Variants in WDR64 observed in about 807,000 individuals in gnomAD.
WDR64 encodes WD repeat domain 64.
A neutral mutation model predicts 139.3 loss-of-function variants in WDR64; 112 were observed. The observed-to-expected ratio is 0.80, with a 90% CI of 0.69 to 0.94. The LOEUF (loss-of-function observed/expected upper bound fraction) is 0.94. Among genes scored for constraint, WDR64 ranks in the 40% least tolerant of loss-of-function variants. The pLI is 0.00. For synonymous variants in WDR64, 444 were observed against 437.7 expected, an observed-to-expected ratio of 1.01 and a Z score of -0.18; for missense variants, 1,206 against 1,293.1, an observed-to-expected ratio of 0.93 and a Z score of 1.03.
chr1:241,768,365 TG>T lies in WDR64; in HGVS notation c.2082-1037del, dbSNP rs1658272687. Among the ~76,000 whole-genome samples the T allele has an allele frequency of 2.2e-4, 34 of 152,342 alleles. 1 individual carries two copies. The South Asian group carries it at 7.0e-3, about 32-fold the overall frequency. On this transcript the variant is annotated intron_variant, in intron 16 of 27. Transcript: ENST00000437684. ...GGTTTAAAAGTTCTGAAACTGAAAATGGTTTCCATATTTGCAGTAGAGTCCA... is the reference window on the plus strand; with the variant it reads ...GGTTTAAAAGTTCTGAAACTGAAAATGTTTCCATATTTGCAGTAGAGTCCA...
intron 10 of WDR64, among the ~76,000 whole-genome samples, chr1:241,724,749 T>C (rs989396652): frequency 1.5e-4 from 23 of 152,350 alleles, no homozygotes; most frequent in African/African-American, 5.3e-4. Flanking sequence ...AAAGTAAATA[T>C]GACTAAATAA....
In WDR64 at chr1:241,788,030, GA is replaced by G; in HGVS notation, c.2891del (p.Lys964AsnfsTer5). Reference sequence around the variant, plus strand: ...TGAATATCCTCTGATATTTGACCGGGAAAAGTAAGACCATTAGCTCTTCTTT... The same window carrying G: ...TGAATATCCTCTGATATTTGACCGGGAAAGTAAGACCATTAGCTCTTCTTT... ...KYEYPLIFDREKWRKMSSVSL... is the reference protein window; with the variant it reads ...KYEYPLIFDRXKWRKMSSVSL... On this transcript the variant is annotated frameshift_variant, in exon 24 of 28. Coordinates refer to ENST00000437684, the MANE Select transcript of WDR64 (RefSeq NM_001367482.1). LOFTEE classifies it high-confidence loss of function. 6.3e-7 allele frequency: 1 copy of G among 1,584,296 alleles called. No individual in the cohort carries two copies. The highest frequency in any genetic ancestry group is 1.2e-5 in the South Asian group (1 of 84,884).
rs1667814322 is a variant in WDR64, at chr1:241,703,533, G to T, written c.975-8269G>T. ...TTTAAAATTGCTATCATTTCAGGGG[G>T]ATCAGGGAAAAAGTCAGAATGAACT... On this transcript the variant is annotated intron_variant, in intron 8 of 27. Transcript: ENST00000437684. This position sits in a 1 kb window ranked among gnomAD's most constrained non-coding sequence, Gnocchi z 5.9. Among the ~76,000 whole-genome samples the T allele has an allele frequency of 6.6e-6, 1 of 151,886 alleles. No individual in the cohort carries two copies. The highest frequency in any genetic ancestry group is 2.1e-4 in the South Asian group (1 of 4,812).
intron 8 of WDR64, among the ~76,000 whole-genome samples, chr1:241,710,255 C>T (rs1472195169): frequency 6.6e-6 from 1 of 152,012 alleles, no homozygotes; most frequent in East Asian, 1.9e-4. Context: ...GTTACCCCAT[C>T]TGATCAATGG....
intron 21 of WDR64, among the ~76,000 whole-genome samples, chr1:241,777,032 C>T (rs921104259): frequency 6.6e-6 from 1 of 152,158 alleles, no homozygotes; most frequent in Non-Finnish European, 1.5e-5. Flanking sequence ...TCTTTGAGGG[C>T]TGCTATCTAT....
chr1:241,795,308 G>GT, intron 26 of WDR64, 21 bp downstream of exon 26: 9 of 1,602,380 alleles, frequency 5.6e-6, no homozygotes, highest in Non-Finnish European at 7.7e-6. Flanking sequence ...GTTTCTAGGA[G>GT]TAGAGGGGTC....
In WDR64 at chr1:241,780,032, C is replaced by G. The variant is rs747906646; in HGVS notation, c.2565C>G (p.Ser855Arg). 1 of 1,587,874 alleles carries G rather than the reference C, an allele frequency of 6.3e-7. No homozygotes were observed. Among genetic ancestry groups the G allele is most frequent in the African/African-American group, 1.4e-5 (1 of 72,788 alleles). The change falls in exon 22 of 28, where the codon AGC (serine) becomes AGG (arginine). Residue 855 changes from serine to arginine, a missense_variant. Transcript: ENST00000437684. ...VEGHVILCNISSFLDPPHDEK... is the reference protein window; with the variant it reads ...VEGHVILCNIRSFLDPPHDEK... ...GACATGTTATCCTTTGCAATATTAG[C>G]TCTTTCCTGGATCCACCTCATGATG...
At chr1:241,768,981 A>G (rs1001536175) in intron 16 of WDR64, among the ~76,000 whole-genome samples, 3 of 152,166 alleles carry the variant, frequency 2.0e-5, no homozygotes, top group African/African-American at 7.2e-5. Context: ...AACTGTATGA[A>G]ACCAGCCCGG....
Position 241,660,665 on chromosome 1 carries a change from A to T in WDR64, c.276+5A>T. On this transcript the variant is annotated splice_donor_5th_base_variant and intron_variant, in intron 2 of 27. Coordinates refer to ENST00000437684, the MANE Select transcript of WDR64 (RefSeq NM_001367482.1). Reference sequence around the variant, plus strand: ...GCATCTGCAGACTGGTGTGAGGTAGACTCATTTCATGTTCATAATATGAAA... The same window carrying T: ...GCATCTGCAGACTGGTGTGAGGTAGTCTCATTTCATGTTCATAATATGAAA... 4.5e-6 allele frequency: 7 copies of T among 1,548,246 alleles called. No individual in the cohort carries two copies. Among genetic ancestry groups the T allele is most frequent in the Non-Finnish European group, 6.1e-6 (7 of 1,145,860 alleles).
intron 15 of WDR64, 127 bp from the exon 16 acceptor site, chr1:241,766,091 A>G: frequency 1.2e-6 from 1 of 849,158 alleles, no homozygotes; most frequent in Non-Finnish European, 1.7e-6. Flanking sequence ...TCATGCTCTG[A>G]TATTAAAAAT....
chr1:241,749,493 C>T (rs919274691), intron 13 of WDR64, 54 bp from the exon 14 acceptor site: 4 of 1,571,116 alleles, frequency 2.5e-6, no homozygotes, highest in Non-Finnish European at 3.5e-6. Context: ...AGCGAAAAGC[C>T]AAGCTTTCTC....
chr1:241,695,378 T>C (rs987196417), intron 8 of WDR64, among the ~76,000 whole-genome samples: 19 of 152,176 alleles, frequency 1.2e-4, no homozygotes, highest in Non-Finnish European at 7.3e-5. Context: ...GAAGCAGCCA[T>C]GCTACCATAT....
chr1:241,702,990 C>T (rs1366598388), intron 8 of WDR64, among the ~76,000 whole-genome samples: 2 of 152,082 alleles, frequency 1.3e-5, no homozygotes, highest in Non-Finnish European at 2.9e-5. Context: ...CTCCCTTGCC[C>T]CTTGGGAATG....
intron 2 of WDR64, among the ~76,000 whole-genome samples, chr1:241,667,171 T>G (rs1666053416): frequency 6.6e-6 from 1 of 152,258 alleles, no homozygotes; most frequent in Non-Finnish European, 1.5e-5. Context: ...CCATCTCTGA[T>G]AAACATTGGA....
At position 241,702,772 on chromosome 1, in the gene WDR64, T is replaced by C. The variant is rs1667769114; in HGVS notation, c.975-9030T>C. On this transcript the variant is annotated intron_variant, in intron 8 of 27. Transcript: ENST00000437684. Reference sequence around the variant, plus strand: ...TATCTTATGACCCATAAAATTGATATGAAATTTAAATTTCACTGGTCATGA... The same window carrying C: ...TATCTTATGACCCATAAAATTGATACGAAATTTAAATTTCACTGGTCATGA... Among the ~76,000 whole-genome samples, 2 of 152,240 alleles carry C rather than the reference T, an allele frequency of 1.3e-5. 1 individual carries two copies. The highest frequency in any genetic ancestry group is 4.1e-4 in the South Asian group (2 of 4,834).
chr1:241,769,788 C>G (rs1658351126), intron 17 of WDR64, among the ~76,000 whole-genome samples: 1 of 152,084 alleles, frequency 6.6e-6, no homozygotes, highest in South Asian at 2.1e-4. Flanking sequence ...CCCTTTATCA[C>G]ATAGCAGAGA....
chr1:241,783,021 T>C (rs12744638), intron 22 of WDR64, among the ~76,000 whole-genome samples: 3 of 152,204 alleles, frequency 2.0e-5, no homozygotes, highest in African/African-American at 7.2e-5. Flanking sequence ...AGTTACATGA[T>C]AAATTGCCAG....
intron 9 of WDR64, 56 bp downstream of exon 9, chr1:241,711,937 T>C (rs1574032314): frequency 4.5e-6 from 7 of 1,555,116 alleles, no homozygotes; most frequent in Non-Finnish European, 5.3e-6. Flanking sequence ...CATCGTTCTC[T>C]TCGAGTTTTG....
At position 241,687,674 on chromosome 1, in the gene WDR64, A is replaced by G. The variant is rs1667061357; in HGVS notation, c.974+79A>G. ...AATGATAAAACCATGACAGCTTTGA[A>G]ACTTTCAAACTGGCTTTAAAAAAAT... is the stretch of plus-strand genomic sequence containing the variant. On this transcript the variant is annotated intron_variant, in intron 8 of 27. Transcript: ENST00000437684. 2.2e-6 allele frequency: 3 copies of G among 1,385,256 alleles called. No homozygotes were observed. The Admixed American group carries it at 7.1e-5, about 33-fold the overall frequency. 85.8% of individuals were successfully genotyped at this position (1,385,256 alleles called of 1,614,324 possible).
Sources: gnomAD v4.1 joint callset for allele counts (sites outside exome capture counted in the v4.1 genomes callset) on GRCh38, gnomAD v4.1.1 for gene constraint, Gnocchi (gnomAD v3.1) non-coding constraint, MANE v1.5 for transcripts, NCBI Gene and HGNC (gene_info 2026-07-23, HGNC 2026-07-21) for gene names.